Variants in ITGA2 observed in about 807,000 individuals in gnomAD.
ITGA2 encodes integrin alpha-2.
Under a neutral mutation model 146.3 loss-of-function variants are expected in ITGA2, and 101 were observed. The ratio of observed to expected loss-of-function variants is 0.69; its 90% CI spans 0.59 to 0.81. The LOEUF (loss-of-function observed/expected upper bound fraction) is 0.81. Among genes scored for constraint, ITGA2 ranks in the 40% least tolerant of loss-of-function variants. The pLI, the probability that ITGA2 is intolerant of heterozygous loss-of-function variation, is 0.00. For missense variants in ITGA2, 1,281 were observed against 1,402.7 expected, an observed-to-expected ratio of 0.91 and a Z score of 1.39; for synonymous variants, 477 against 487.1, an observed-to-expected ratio of 0.98 and a Z score of 0.27.
intron 3 of ITGA2, among the ~76,000 whole-genome samples, chr5:53,042,687 G>T (rs1579841088): frequency 6.6e-6 from 1 of 152,130 alleles, no homozygotes; most frequent in Non-Finnish European, 1.5e-5. Context: ...GGAATTATTT[G>T]CTGTTTTAAT....
At chr5:53,085,009 T>A (rs1746091095) in intron 27 of ITGA2, among the ~76,000 whole-genome samples, 2 of 151,936 alleles carry the variant, frequency 1.3e-5, no homozygotes, top group Admixed American at 1.3e-4. Flanking sequence ...AAAACACCCT[T>A]GAGATGTCAA....
intron 1 of ITGA2, among the ~76,000 whole-genome samples, chr5:52,992,324 C>T (rs1453649335): frequency 6.6e-6 from 1 of 152,094 alleles, no homozygotes; most frequent in African/African-American, 2.4e-5. Context: ...TGCAGATTGT[C>T]TCTGGGCCCA....
At position 53,075,259 on chromosome 5, in the gene ITGA2, A is replaced by T. The variant is rs2287870; in HGVS notation, c.2780A>T (p.Asn927Ile). 2.3e-5 allele frequency: 37 copies of T among 1,612,680 alleles called. No homozygotes were observed. The South Asian group carries it at 3.8e-4, about 17-fold the overall frequency. The change falls in exon 23 of 30, where the codon AAC (asparagine) becomes ATC (isoleucine). Residue 927 changes from asparagine to isoleucine, a missense_variant. Asn to Ile is a moderately radical substitution (Grantham distance 149). Around this residue, in one of 3 missense-constraint regions of ITGA2, gnomAD observed 475 missense variants for 530.5 expected, o/e 0.90. Transcript: ENST00000296585. ...QEENKADNLV[N>I]LKIPLLYDAE... ...GAAAACAAGGCTGATAATTTGGTCAACCTCAAAATTCCTCTCCTGTATGAT... is the reference window on the plus strand; with the variant it reads ...GAAAACAAGGCTGATAATTTGGTCATCCTCAAAATTCCTCTCCTGTATGAT...
chr5:53,043,734 G>A (rs183264621), intron 3 of ITGA2, among the ~76,000 whole-genome samples: 51 of 152,304 alleles, frequency 3.3e-4, no homozygotes, highest in Middle Eastern at 6.8e-3. Flanking sequence ...AAAAAGGGAT[G>A]ATTTGTCCAG....
At chr5:53,045,321 A>G (rs773716321) in intron 4 of ITGA2, among the ~76,000 whole-genome samples, 3 of 152,230 alleles carry the variant, frequency 2.0e-5, no homozygotes, top group Non-Finnish European at 4.4e-5. Flanking sequence ...AAGAAAAGGG[A>G]ACAAAAAGAA....
At position 53,075,130 on chromosome 5, in the gene ITGA2, G is replaced by A; in HGVS notation, c.2734G>A (p.Ala912Thr). The A allele has an allele frequency of 2.5e-6, 4 of 1,611,484 alleles. No homozygotes were observed. In the African/African-American group the frequency reaches 4.0e-5, roughly 16 times the overall value. Residue 912 changes from alanine (A) to threonine (T), a missense_variant, in exon 22 of 30, where the codon GCC (alanine) becomes ACC (threonine). Ala to Thr is a moderately conservative substitution (Grantham distance 58). Around this residue, in one of 3 missense-constraint regions of ITGA2, gnomAD observed 475 missense variants for 530.5 expected, o/e 0.90. Coordinates refer to ENST00000296585, the MANE Select transcript of ITGA2 (RefSeq NM_002203.4). ...GAATCAGGCGTCTCTCAGTTTCCAAGCCTTAAGGTAAAACATAATGAAGTC... is the reference window on the plus strand; with the variant it reads ...GAATCAGGCGTCTCTCAGTTTCCAAACCTTAAGGTAAAACATAATGAAGTC... ...LQNQASLSFQ[A>T]LSESQEENKA... is the part of the protein sequence containing the mutation.
Position 53,056,067 on chromosome 5 carries a change from A to G in ITGA2, c.1014A>G (p.Glu338=). ...AAGCAATCGCTAGTATTCCAACAGA[A>G]AGATACTTTTTCAATGTGTCTGATG... ...EIKAIASIPT[E]RYFFNVSDEA... is the part of the protein sequence containing the mutation. The change falls in exon 9 of 30, where the codon GAA becomes GAG. Residue 338 remains glutamate, a synonymous_variant. Transcript: ENST00000296585. 6.2e-7 allele frequency: 1 copy of G among 1,611,744 alleles called. No homozygotes were observed. Among genetic ancestry groups the G allele is most frequent in the Non-Finnish European group, 8.5e-7 (1 of 1,178,600 alleles).
intron 1 of ITGA2, among the ~76,000 whole-genome samples, chr5:53,020,472 G>A (rs1295630089): frequency 6.6e-6 from 1 of 152,098 alleles, no homozygotes; most frequent in African/African-American, 2.4e-5. Context: ...GCAAATGAAA[G>A]TAAGAGTCAA....
intron 1 of ITGA2, among the ~76,000 whole-genome samples, chr5:52,994,352 T>C (rs1488559963): frequency 6.6e-6 from 1 of 152,180 alleles, no homozygotes; most frequent in Admixed American, 6.5e-5. Context: ...GTCCATTTAT[T>C]GAGTTACCAT....
At chr5:53,071,902 G>C in intron 17 of ITGA2, 36 bp from the exon 18 acceptor site, 1 of 1,467,336 alleles carries the variant, frequency 6.8e-7, no homozygotes. Context: ...AACTGACTCT[G>C]TCTCCCCCTG....
intron 23 of ITGA2, 115 bp downstream of exon 23, chr5:53,075,419 T>C: frequency 1.2e-6 from 1 of 846,984 alleles, no homozygotes; most frequent in Middle Eastern, 2.2e-4. Flanking sequence ...AGAATTTGAA[T>C]TAAAATTCTT....
chr5:53,011,612 A>T (rs1742131750), intron 1 of ITGA2, among the ~76,000 whole-genome samples: 1 of 152,168 alleles, frequency 6.6e-6, no homozygotes, highest in South Asian at 2.1e-4. Flanking sequence ...CTACACAAAG[A>T]TAGTTTCTCT....
chr5:53,057,960 T>C, intron 9 of ITGA2, 65 bp from the exon 10 acceptor site: 1 of 1,191,948 alleles, frequency 8.4e-7, no homozygotes, highest in Non-Finnish European at 1.3e-6. Context: ...ACGTGCCTGC[T>C]TGTGTTTGAA....
At chr5:53,050,697 G>GA (rs1311087744) in intron 6 of ITGA2, among the ~76,000 whole-genome samples, 3 of 152,114 alleles carry the variant, frequency 2.0e-5, no homozygotes, top group Non-Finnish European at 4.4e-5. Flanking sequence ...TGCAAACAAG[G>GA]ACATTAACAG....
intron 7 of ITGA2, among the ~76,000 whole-genome samples, chr5:53,054,728 C>T (rs1052092611): frequency 4.6e-5 from 7 of 151,956 alleles, no homozygotes; most frequent in African/African-American, 1.7e-4. Context: ...TTAGAATATG[C>T]CCTCATTTGA....
At chr5:53,034,439 A>T (rs1160033891) in intron 2 of ITGA2, among the ~76,000 whole-genome samples, 1 of 151,924 alleles carries the variant, frequency 6.6e-6, no homozygotes, top group Non-Finnish European at 1.5e-5. Context: ...TAGGAAGGAC[A>T]CTTTAAATAT....
Position 53,058,062 on chromosome 5 carries a change from G to A in ITGA2, c.1134G>A (p.Met378Ile). 6.2e-7 allele frequency: 1 copy of A among 1,611,774 alleles called. No homozygotes were observed. The highest frequency in any genetic ancestry group is 8.5e-7 in the Non-Finnish European group (1 of 1,178,428). The change falls in exon 10 of 30, where the codon ATG becomes ATA. Residue 378 changes from methionine (M) to isoleucine (I), a missense_variant. Physicochemically the swap from Met to Ile is conservative, Grantham distance 10. This residue lies in a region of ITGA2 where 795 missense variants were observed against 841.7 expected (regional missense o/e 0.94). Coordinates refer to ENST00000296585, the MANE Select transcript of ITGA2 (RefSeq NM_002203.4). The part of the protein sequence containing the change: ...VQGGDNFQME[M>I]SQVGFSADYS... ...GAGGAGACAACTTTCAGATGGAAAT[G>A]TCACAAGTGGGATTCAGTGCAGATT...
In ITGA2 at chr5:53,090,544, A is replaced by C. The variant is rs1740361743; in HGVS notation, c.3491A>C (p.Glu1164Ala). The change falls in exon 30 of 30, where the codon GAA (glutamate) becomes GCA (alanine). Residue 1164 changes from glutamate (E) to alanine (A), a missense_variant. By Grantham distance (107) the Glu-to-Ala change is moderately radical. Transcript: ENST00000296585. ...WKLGFFKRKY[E>A]KMTKNPDEID... ...CTCGGCTTCTTCAAAAGAAAATATG[A>C]AAAGATGACCAAAAATCCAGATGAG... 4 of 1,614,082 alleles carry C rather than the reference A, an allele frequency of 2.5e-6. No homozygotes were observed. The highest frequency in any genetic ancestry group is 3.4e-6 in the Non-Finnish European group (4 of 1,179,966).
At chr5:52,999,524 C>T (rs748271624) in intron 1 of ITGA2, among the ~76,000 whole-genome samples, 8 of 152,036 alleles carry the variant, frequency 5.3e-5, no homozygotes, top group Non-Finnish European at 1.2e-4. Flanking sequence ...CAGCAAGTAA[C>T]TTGATCAGCA....
Sources: gnomAD v4.1 joint callset for allele counts (sites outside exome capture counted in the v4.1 genomes callset) on GRCh38, gnomAD v4.1.1 for gene constraint, gnomAD v4.1.1 regional missense constraint, MANE v1.5 for transcripts, NCBI Gene and HGNC (gene_info 2026-07-23, HGNC 2026-07-21) for gene names.